The following KCNIP4 variants were observed in gnomAD, a reference collection of about 807,000 sequenced individuals.
The protein encoded by KCNIP4 is potassium voltage-gated channel interacting protein 4, also known as Kv channel-interacting protein 4.
In KCNIP4, 12 loss-of-function variants were observed where a neutral mutation model predicts 34.0. The ratio of observed to expected loss-of-function variants is 0.35; its 90% CI spans 0.23 to 0.57. KCNIP4 has a LOEUF of 0.57. Among genes scored for constraint, KCNIP4 ranks in the 20% least tolerant of loss-of-function variants. The pLI is 0.83. For missense variants in KCNIP4, 238 were observed against 311.7 expected, an observed-to-expected ratio of 0.76 and a Z score of 1.78; for synonymous variants, 124 against 102.2, an observed-to-expected ratio of 1.21 and a Z score of -1.29.
intron 1 of KCNIP4, among the ~76,000 whole-genome samples, chr4:21,018,434 C>T (rs1362311071): frequency 6.6e-6 from 1 of 152,174 alleles, no homozygotes; most frequent in Non-Finnish European, 1.5e-5. Context: ...GAATCTGGGT[C>T]GTGGCTCCTG....
intron 1 of KCNIP4, among the ~76,000 whole-genome samples, chr4:21,809,939 T>C (rs910223059): frequency 6.6e-6 from 1 of 152,196 alleles, no homozygotes; most frequent in African/African-American, 2.4e-5. Context: ...AATCCAATTA[T>C]CATGAAGATC....
chr4:21,325,406 T>A (rs981338714), intron 1 of KCNIP4, among the ~76,000 whole-genome samples: 2 of 151,884 alleles, frequency 1.3e-5, no homozygotes, highest in African/African-American at 4.8e-5. Flanking sequence ...CATAGTAGCC[T>A]CTAGTCATCC....
At chr4:21,423,444 AT>A (rs1291469692) in intron 1 of KCNIP4, among the ~76,000 whole-genome samples, 2 of 152,172 alleles carry the variant, frequency 1.3e-5, no homozygotes, top group Non-Finnish European at 2.9e-5. Flanking sequence ...GATAAGGCTC[AT>A]TTTTTTCCAT....
intron 1 of KCNIP4, among the ~76,000 whole-genome samples, chr4:20,884,904 T>C (rs1300961726): frequency 2.6e-5 from 4 of 152,142 alleles, no homozygotes; most frequent in Non-Finnish European, 5.9e-5. Context: ...CTTTGCCATC[T>C]TGGCCAGGCT....
intron 1 of KCNIP4, among the ~76,000 whole-genome samples, chr4:20,936,254 G>A (rs1731046930): frequency 6.6e-6 from 1 of 152,076 alleles, no homozygotes; most frequent in South Asian, 2.1e-4. Context: ...GCCTATAACA[G>A]GATTAAAGAA....
At chr4:21,676,785 A>G (rs984303040) in intron 1 of KCNIP4, among the ~76,000 whole-genome samples, 1 of 152,224 alleles carries the variant, frequency 6.6e-6, no homozygotes, top group African/African-American at 2.4e-5. Flanking sequence ...AATATATGTT[A>G]TGAAGCAAAT....
At chr4:20,852,638 A>G (rs1249299407) in intron 2 of KCNIP4, among the ~76,000 whole-genome samples, 1 of 152,196 alleles carries the variant, frequency 6.6e-6, no homozygotes, top group Middle Eastern at 3.2e-3. Flanking sequence ...CAATCAGACA[A>G]GAGAAAGAAA....
chr4:21,357,490 C>T (rs1044858440), intron 1 of KCNIP4, among the ~76,000 whole-genome samples: 1 of 152,038 alleles, frequency 6.6e-6, no homozygotes, highest in Non-Finnish European at 1.5e-5. Context: ...CAAACAACCC[C>T]ATCAAAAAGT....
intron 1 of KCNIP4, among the ~76,000 whole-genome samples, chr4:21,565,004 C>T (rs1221863057): frequency 6.6e-6 from 1 of 152,166 alleles, no homozygotes; most frequent in African/African-American, 2.4e-5. Flanking sequence ...CAAATTTCAA[C>T]ATGAGGTTTG....
chr4:21,125,641 T>C (rs1026528416), intron 1 of KCNIP4, among the ~76,000 whole-genome samples: 2 of 152,104 alleles, frequency 1.3e-5, no homozygotes, highest in Admixed American at 6.5e-5. Flanking sequence ...TGGGAACCAG[T>C]GCAACACAGT....
At chr4:20,948,017 A>G (rs1029804246) in intron 1 of KCNIP4, among the ~76,000 whole-genome samples, 3 of 152,186 alleles carry the variant, frequency 2.0e-5, no homozygotes, top group Admixed American at 2.0e-4. Context: ...TCTCTTTTCC[A>G]GGGTTGCCAT....
At chr4:20,926,922 A>G (rs1180214511) in intron 1 of KCNIP4, among the ~76,000 whole-genome samples, 1 of 152,206 alleles carries the variant, frequency 6.6e-6, no homozygotes, top group East Asian at 1.9e-4. Context: ...AAAGCAAGAA[A>G]CTGTAAAATC....
At chr4:21,610,039 T>C (rs2109142978) in intron 1 of KCNIP4, among the ~76,000 whole-genome samples, 1 of 152,370 alleles carries the variant, frequency 6.6e-6, no homozygotes, top group East Asian at 1.9e-4. Flanking sequence ...ATACTTCTCC[T>C]GCTACCTTAG....
intron 1 of KCNIP4, among the ~76,000 whole-genome samples, chr4:21,302,073 T>A (rs1711792454): frequency 1.3e-5 from 2 of 152,300 alleles, no homozygotes; most frequent in South Asian, 4.1e-4. Context: ...ATAGTATTAG[T>A]CCAAGATTGT....
intron 1 of KCNIP4, among the ~76,000 whole-genome samples, chr4:21,602,294 CCTT>C (rs1386442824): frequency 6.6e-6 from 1 of 152,110 alleles, no homozygotes; most frequent in Non-Finnish European, 1.5e-5. Flanking sequence ...GCTTGCATGT[CCTT>C]CTCCCAAATT....
At chr4:21,924,453 C>G (rs541997580) in intron 1 of KCNIP4, among the ~76,000 whole-genome samples, 68 of 151,864 alleles carry the variant, frequency 4.5e-4, no homozygotes, top group Non-Finnish European at 9.0e-4. Flanking sequence ...ACTGTGTTAG[C>G]CAAAATGGTC....
intron 3 of KCNIP4, among the ~76,000 whole-genome samples, chr4:20,784,788 T>C (rs1711727685): frequency 6.6e-6 from 1 of 152,090 alleles, no homozygotes; most frequent in Non-Finnish European, 1.5e-5. Context: ...ATGCATTCAG[T>C]GAATCATTAC....
chr4:21,120,327 C>T (rs1750046262), intron 1 of KCNIP4, among the ~76,000 whole-genome samples: 1 of 152,188 alleles, frequency 6.6e-6, no homozygotes, highest in East Asian at 1.9e-4. Flanking sequence ...GCTGTAAGTC[C>T]AAGATTAAGG....
At chr4:21,536,121 G>A (rs1279299503) in intron 1 of KCNIP4, among the ~76,000 whole-genome samples, 1 of 152,110 alleles carries the variant, frequency 6.6e-6, no homozygotes, top group Non-Finnish European at 1.5e-5. Flanking sequence ...TTCAGCTGGG[G>A]AGGCTTCATT....
Sources: allele counts gnomAD v4.1 joint callset (sites outside exome capture counted in the v4.1 genomes callset), GRCh38; gene constraint gnomAD v4.1.1; transcripts MANE v1.5; gene names NCBI Gene and HGNC (gene_info 2026-07-23, HGNC 2026-07-21).